The following RNF122 variants were observed in gnomAD, a reference collection of about 807,000 sequenced individuals.
RNF122 encodes the protein ring finger protein 122.
In RNF122, 17 loss-of-function variants were observed where a neutral mutation model predicts 24.2. The observed-to-expected ratio is 0.70, with a 90% CI of 0.48 to 1.06. RNF122 has a LOEUF of 1.06. RNF122 is among the 50% of genes least tolerant of loss of function. The probability of loss-of-function intolerance (pLI) is 0.00; values close to 1 mark genes in which losing one functional copy is unlikely to be tolerated. For missense variants in RNF122, 168 were observed against 198.1 expected, an observed-to-expected ratio of 0.85 and a Z score of 0.91; for synonymous variants, 65 against 71.8, an observed-to-expected ratio of 0.91 and a Z score of 0.48.
At chr8:33,566,405 G>T (rs1253105148) in intron 1 of RNF122, among the ~76,000 whole-genome samples, 3 of 152,340 alleles carry the variant, frequency 2.0e-5, no homozygotes, top group South Asian at 2.1e-4. Flanking sequence ...AAAGGCAGGG[G>T]AAGGGGGTAG....
At chr8:33,562,946 C>G (rs568447575) in intron 1 of RNF122, among the ~76,000 whole-genome samples, 169 of 151,932 alleles carry the variant, frequency 1.1e-3, no homozygotes, top group Non-Finnish European at 1.9e-3. Context: ...AACAAAAAAC[C>G]TGGGCATGGT....
chr8:33,565,820 G>A (rs939459673), intron 1 of RNF122, among the ~76,000 whole-genome samples: 2 of 152,164 alleles, frequency 1.3e-5, no homozygotes, highest in Admixed American at 6.5e-5. Context: ...GGGACAGCCG[G>A]GCGCGGAGCT....
In RNF122 at chr8:33,548,696, G is replaced by A; in HGVS notation, c.*57C>T. 2 of 1,060,592 alleles carry A rather than the reference G, an allele frequency of 1.9e-6. No homozygotes were observed. The highest frequency in any genetic ancestry group is 2.5e-5 in the South Asian group (2 of 79,702). The allele number at this position is 1,060,592 out of a possible 1,614,324, so 65.7% of individuals were successfully genotyped here. A position where few individuals can be genotyped will look rare whatever the true frequency, so the allele number is the denominator to read the frequency against. On this transcript the variant is annotated 3_prime_UTR_variant, in exon 6 of 6. Coordinates refer to ENST00000256257, the MANE Select transcript of RNF122 (RefSeq NM_024787.3). ...TCCTGTTGGTTGGAGCTGTGCAGAG[G>A]GACCAGACATCCATGAGGCAAGAGG... is the stretch of plus-strand genomic sequence containing the variant.
At chr8:33,556,460 T>C (rs2128839550) in intron 2 of RNF122, among the ~76,000 whole-genome samples, 1 of 152,048 alleles carries the variant, frequency 6.6e-6, no homozygotes, top group East Asian at 1.9e-4. Flanking sequence ...TGTATGCTTC[T>C]GTGTGTGTGT....
chr8:33,558,484 G>T, intron 2 of RNF122, 131 bp downstream of exon 2: 2 of 599,888 alleles, frequency 3.3e-6, no homozygotes, highest in South Asian at 4.0e-5. Context: ...AGGCTCAGCC[G>T]TGTCCTCAAA....
rs745976648 is a variant in RNF122, at chr8:33,551,333, C to T, written c.228+11G>A. ...GAGAAGGAAGCTTCTGGGAAACACG[C>T]AGCACTTTACCTCCTTATATCCGTA... is the stretch of plus-strand genomic sequence containing the variant. On this transcript the variant is annotated intron_variant, in intron 3 of 5. Transcript: ENST00000256257. The T allele has an allele frequency of 6.2e-7, 1 of 1,614,110 alleles. No individual in the cohort carries two copies. Among genetic ancestry groups the T allele is most frequent in the South Asian group, 1.1e-5 (1 of 91,076 alleles).
At chr8:33,555,264 A>G (rs954846704) in intron 2 of RNF122, among the ~76,000 whole-genome samples, 1 of 151,898 alleles carries the variant, frequency 6.6e-6, no homozygotes, top group East Asian at 1.9e-4. Flanking sequence ...GTGCAATGGC[A>G]TGATCTTAGC....
intron 1 of RNF122, among the ~76,000 whole-genome samples, chr8:33,565,682 C>T (rs1810611577): frequency 1.3e-5 from 2 of 152,182 alleles, no homozygotes; most frequent in African/African-American, 4.8e-5. Flanking sequence ...TCACCCAGGC[C>T]TGGGGAGAAA....
chr8:33,551,272 G>A (rs566796159), intron 3 of RNF122, 72 bp downstream of exon 3: 6 of 1,571,896 alleles, frequency 3.8e-6, no homozygotes, highest in Non-Finnish European at 5.3e-6. Flanking sequence ...GAGAACCTGA[G>A]CCTGCCCTCC....
chr8:33,555,889 C>T (rs1030067225), intron 2 of RNF122, among the ~76,000 whole-genome samples: 7 of 152,060 alleles, frequency 4.6e-5, no homozygotes, highest in African/African-American at 9.7e-5. Flanking sequence ...GGCTAAAGGC[C>T]GGGCACGGTG....
Position 33,551,098 on chromosome 8 carries a change from A to G in RNF122, c.229-13T>C. 1 of 1,614,064 alleles carries G rather than the reference A, an allele frequency of 6.2e-7. No homozygotes were observed. The highest frequency in any genetic ancestry group is 1.1e-5 in the South Asian group (1 of 91,078). On this transcript the variant is annotated splice_polypyrimidine_tract_variant and intron_variant, in intron 3 of 5. Coordinates refer to ENST00000256257, the MANE Select transcript of RNF122 (RefSeq NM_024787.3). The stretch of plus-strand genomic sequence containing the variant: ...CTTTAAGCACCACCTGAAAAGAAAG[A>G]GGAGGCATGATGTCCAAAGAAGAAC...
chr8:33,566,749 G>T lies in RNF122; in HGVS notation c.-26C>A. The T allele has an allele frequency of 6.2e-7, 1 of 1,600,670 alleles. No individual in the cohort carries two copies. Among genetic ancestry groups the T allele is most frequent in the Middle Eastern group, 1.7e-4 (1 of 6,042 alleles). ...CAATGAAGTCGCGGTTGGCTTCCTCGGGCGAACGGACGCAGGCGGGGTGCC... is the reference window on the plus strand; with the variant it reads ...CAATGAAGTCGCGGTTGGCTTCCTCTGGCGAACGGACGCAGGCGGGGTGCC... On this transcript the variant is annotated 5_prime_UTR_variant, in exon 1 of 6. Transcript: ENST00000256257.
chr8:33,558,878 C>T (rs1009725801), intron 1 of RNF122, 107 bp from the exon 2 acceptor site: 8 of 802,476 alleles, frequency 1.0e-5, no homozygotes, highest in African/African-American at 3.5e-5. Context: ...GGCACCTAAG[C>T]CTCAGATTCA....
Position 33,551,322 on chromosome 8 carries a change from TGG to T in RNF122, c.228+20_228+21del. 1 of 1,613,914 alleles carries T rather than the reference TGG, an allele frequency of 6.2e-7. No individual in the cohort carries two copies. Among genetic ancestry groups the T allele is most frequent in the Non-Finnish European group, 8.5e-7 (1 of 1,179,804 alleles). On this transcript the variant is annotated intron_variant, in intron 3 of 5. Coordinates refer to ENST00000256257, the MANE Select transcript of RNF122 (RefSeq NM_024787.3). Reference sequence around the variant, plus strand: ...CAGGTCAGGCAGAGAAGGAAGCTTCTGGGAAACACGCAGCACTTTACCTCCTT... The same window carrying T: ...CAGGTCAGGCAGAGAAGGAAGCTTCTGAAACACGCAGCACTTTACCTCCTT...
intron 1 of RNF122, among the ~76,000 whole-genome samples, chr8:33,566,411 G>A (rs1810624198): frequency 6.6e-6 from 1 of 152,230 alleles, no homozygotes; most frequent in African/African-American, 2.4e-5. Context: ...AGGGGAAGGG[G>A]GTAGAAGAGC....
intron 5 of RNF122, 136 bp downstream of exon 5, chr8:33,549,274 T>C (rs1343692435): frequency 1.4e-6 from 1 of 729,848 alleles, no homozygotes; most frequent in Non-Finnish European, 2.5e-6. Context: ...CCCTCTGGGC[T>C]TTGCTCGGTG....
chr8:33,557,456 C>T (rs1810472488), intron 2 of RNF122, among the ~76,000 whole-genome samples: 1 of 151,894 alleles, frequency 6.6e-6, no homozygotes, highest in South Asian at 2.1e-4. Flanking sequence ...GTGGCAAAAC[C>T]CCGTCTCTAC....
At chr8:33,564,417 T>G (rs1379829733) in intron 1 of RNF122, among the ~76,000 whole-genome samples, 1 of 151,906 alleles carries the variant, frequency 6.6e-6, no homozygotes, top group Non-Finnish European at 1.5e-5. Flanking sequence ...AATTAAAAAT[T>G]AGCCAGTAGC....
rs78523626 is a variant in RNF122, at chr8:33,548,526, G to A, written c.*227C>T. The A allele has an allele frequency of 6.5e-3, 2,956 of 456,626 alleles. 148 individuals carry two copies. The East Asian group carries it at 0.093, about 14-fold the overall frequency. 28.3% of individuals were successfully genotyped at this position (456,626 alleles called of 1,614,324 possible). A position where few individuals can be genotyped will look rare whatever the true frequency, so the allele number is the denominator to read the frequency against. On this transcript the variant is annotated 3_prime_UTR_variant, in exon 6 of 6. Transcript: ENST00000256257. ...AGGAGACAGTGGTCTTGATGGGTGAGGCCACCAGCATGGAGTAGCAGGGAA... is the reference window on the plus strand; with the variant it reads ...AGGAGACAGTGGTCTTGATGGGTGAAGCCACCAGCATGGAGTAGCAGGGAA...
Sources: gnomAD v4.1 joint callset for allele counts (sites outside exome capture counted in the v4.1 genomes callset) on GRCh38, gnomAD v4.1.1 for gene constraint, MANE v1.5 for transcripts, NCBI Gene and HGNC (gene_info 2026-07-23, HGNC 2026-07-21) for gene names.